Variants in IL1RAPL2 observed in about 807,000 individuals in gnomAD.
The protein encoded by IL1RAPL2 is interleukin 1 receptor accessory protein like 2, also known as X-linked interleukin-1 receptor accessory protein-like 2.
Under a neutral mutation model 44.1 loss-of-function variants are expected in IL1RAPL2, and 3 were observed. The observed-to-expected ratio is 0.07, with a 90% CI of 0.03 to 0.18. IL1RAPL2 has a LOEUF of 0.18. Among genes scored for constraint, IL1RAPL2 ranks in the 10% least tolerant of loss-of-function variants. The pLI is 1.00. For missense variants in IL1RAPL2, 391 were observed against 496.4 expected (o/e 0.79, Z 2.02); for synonymous variants, 181 against 178.8 (o/e 1.01, Z -0.10).
intron 1 of IL1RAPL2, among the ~76,000 whole-genome samples, chrX:104,615,160 C>T (rs1929243712): frequency 9.0e-6 from 1 of 111,420 alleles, no homozygotes; most frequent in African/African-American, 3.3e-5. Flanking sequence ...TTAAGGATCT[C>T]TTTTAAGACT....
intron 2 of IL1RAPL2, among the ~76,000 whole-genome samples, chrX:104,671,165 C>T (rs189404588): frequency 1.9e-4 from 21 of 110,321 alleles, no homozygotes; most frequent in Middle Eastern, 9.3e-3. Flanking sequence ...TAGGTATATA[C>T]ATATGCATGT....
rs912478566 is a variant in IL1RAPL2 at position 105,767,548 on chromosome X, A to C, written c.1948A>C (p.Asn650His). The change falls in exon 11 of 11, where the codon AAC becomes CAC. Residue 650 changes from asparagine (N) to histidine (H), a missense_variant. Physicochemically the swap from Asn to His is moderately conservative, Grantham distance 68 (BLOSUM62 1). Coordinates refer to ENST00000372582, the MANE Select transcript of IL1RAPL2 (RefSeq NM_017416.2). ...TYCNLPLTLL[N>H]GQLPLNNTLK... ...TTGTAACCTGCCTCTGACGCTACTC[A>C]ACGGACAGCTACCCCTTAATAACAC... is the stretch of plus-strand genomic sequence containing the variant. 3.3e-6 allele frequency: 4 copies of C among 1,207,990 alleles called. No homozygotes were observed. The African/African-American group carries it at 5.3e-5, about 16-fold the overall frequency.
At chrX:105,331,463 C>T (rs1006491485) in intron 5 of IL1RAPL2, among the ~76,000 whole-genome samples, 6 of 111,446 alleles carry the variant, frequency 5.4e-5, no homozygotes, top group Admixed American at 9.6e-5. Context: ...TTTCAGATTT[C>T]GTTACCATGA....
intron 2 of IL1RAPL2, among the ~76,000 whole-genome samples, chrX:104,737,626 C>T (rs765030067): frequency 4.1e-4 from 46 of 111,798 alleles, no homozygotes; most frequent in Non-Finnish European, 8.1e-4. Context: ...GCCCATGTTG[C>T]TCTGCTGGTA....
chrX:105,498,441 G>A (rs2036370522), intron 6 of IL1RAPL2, among the ~76,000 whole-genome samples: 1 of 111,893 alleles, frequency 8.9e-6, no homozygotes, highest in Non-Finnish European at 1.9e-5. Flanking sequence ...AGAAGTCTTA[G>A]TATTGTTACA....
chrX:105,166,434 C>G (rs954356267), intron 2 of IL1RAPL2, among the ~76,000 whole-genome samples: 2 of 112,171 alleles, frequency 1.8e-5, no homozygotes, highest in African/African-American at 6.5e-5. Flanking sequence ...CTTCATATAC[C>G]TGCAAGAGGG....
chrX:105,470,333 G>T (rs993494247), intron 5 of IL1RAPL2, among the ~76,000 whole-genome samples: 8 of 111,877 alleles, frequency 7.2e-5, no homozygotes, highest in African/African-American at 2.6e-4. Flanking sequence ...GTTAGAAAAG[G>T]TAACAGAATT....
chrX:105,507,397 A>C (rs1002602283), intron 6 of IL1RAPL2, among the ~76,000 whole-genome samples: 18 of 111,947 alleles, frequency 1.6e-4, no homozygotes, highest in Non-Finnish European at 3.0e-4. Context: ...AATACTGAGA[A>C]GGTCAAAATA....
chrX:105,190,596 A>G (rs1221420559), intron 2 of IL1RAPL2, among the ~76,000 whole-genome samples: 1 of 111,651 alleles, frequency 9.0e-6, no homozygotes, highest in Non-Finnish European at 1.9e-5. Context: ...TAGGGTACAC[A>G]TGCTTGCATA....
chrX:104,860,856 G>A (rs181249123), intron 2 of IL1RAPL2, among the ~76,000 whole-genome samples: 1 of 111,420 alleles, frequency 9.0e-6, no homozygotes. Flanking sequence ...TTGTAATAAT[G>A]TGATACCATT....
At chrX:105,553,406 G>C (rs981896940) in intron 6 of IL1RAPL2, among the ~76,000 whole-genome samples, 1 of 111,591 alleles carries the variant, frequency 9.0e-6, no homozygotes, top group African/African-American at 3.3e-5. Flanking sequence ...GGAGAAAGTA[G>C]CTAAAAGGAA....
At chrX:105,294,882 C>A (rs1253913049) in intron 5 of IL1RAPL2, among the ~76,000 whole-genome samples, 1 of 111,693 alleles carries the variant, frequency 9.0e-6, no homozygotes, top group Non-Finnish European at 1.9e-5. Context: ...TAAGGTCAAA[C>A]ACCCTATAGT....
intron 1 of IL1RAPL2, among the ~76,000 whole-genome samples, chrX:104,609,509 T>C (rs977708254): frequency 1.8e-5 from 2 of 112,557 alleles, no homozygotes; most frequent in African/African-American, 6.5e-5. Flanking sequence ...ATTTGGTCTC[T>C]TCACATAGTC....
chrX:105,253,987 T>C (rs918881507), intron 4 of IL1RAPL2, among the ~76,000 whole-genome samples: 2 of 111,998 alleles, frequency 1.8e-5, no homozygotes, highest in African/African-American at 6.5e-5. Context: ...TCTTTGCTAT[T>C]GTGAATAGTG....
chrX:104,718,418 G>A lies in IL1RAPL2; in HGVS notation c.82+59423G>A, dbSNP rs186233543. 1.3e-3 allele frequency among the ~76,000 whole-genome samples: 145 copies of A among 110,987 alleles called. 1 individual carries two copies. The highest frequency in any genetic ancestry group is 4.5e-3 in the African/African-American group (138 of 30,563). On this transcript the variant is annotated intron_variant, in intron 2 of 10. Transcript: ENST00000372582. ...GGCTCTGTGTCCCCACCCATATGTC[G>A]ACTTGTCTTCCCCATGTGTCAAGGG...
intron 6 of IL1RAPL2, among the ~76,000 whole-genome samples, chrX:105,487,049 G>A (rs1240140332): frequency 2.1e-5 from 2 of 96,778 alleles, no homozygotes; most frequent in African/African-American, 8.0e-5. Flanking sequence ...CTGAGATCAT[G>A]CCACTGCACT....
intron 6 of IL1RAPL2, among the ~76,000 whole-genome samples, chrX:105,545,943 A>G (rs2036793478): frequency 9.0e-6 from 1 of 111,366 alleles, no homozygotes; most frequent in South Asian, 3.8e-4. Context: ...GTTTATCCCA[A>G]CCATGACTGC....
chrX:105,454,369 G>T (rs754816215), intron 5 of IL1RAPL2, among the ~76,000 whole-genome samples: 1 of 111,564 alleles, frequency 9.0e-6, no homozygotes, highest in East Asian at 2.8e-4. Context: ...CCTGCCTTGA[G>T]GCCGAAGAGC....
At chrX:105,523,220 G>C (rs1371607118) in intron 6 of IL1RAPL2, among the ~76,000 whole-genome samples, 1 of 111,242 alleles carries the variant, frequency 9.0e-6, no homozygotes, top group African/African-American at 3.3e-5. Flanking sequence ...TTGGCATCCT[G>C]CTTCTAAAAA....
Sources: gnomAD v4.1 joint callset for allele counts (sites outside exome capture counted in the v4.1 genomes callset) on GRCh38, gnomAD v4.1.1 for gene constraint, MANE v1.5 for transcripts, NCBI Gene and HGNC (gene_info 2026-07-23, HGNC 2026-07-21) for gene names.